The following CAMTA1 variants were observed in gnomAD, a reference collection of about 807,000 sequenced individuals.
CAMTA1 encodes the protein calmodulin-binding transcription activator 1.
A neutral mutation model predicts 170.9 loss-of-function variants in CAMTA1; 27 were observed. The observed-to-expected ratio is 0.16, with a 90% CI of 0.12 to 0.22. The LOEUF (loss-of-function observed/expected upper bound fraction) is 0.22. Ranked by LOEUF, CAMTA1 falls within the 10% of genes least tolerant of loss-of-function variation. The pLI, the probability that CAMTA1 is intolerant of heterozygous loss-of-function variation, is 1.00. For missense variants in CAMTA1, 1,619 were observed against 2,217.2 expected, an observed-to-expected ratio of 0.73 and a Z score of 5.42; for synonymous variants, 833 against 891.5, an observed-to-expected ratio of 0.93 and a Z score of 1.17.
chr1:7,290,042 T>C (rs1672898201), intron 5 of CAMTA1, among the ~76,000 whole-genome samples: 1 of 152,230 alleles, frequency 6.6e-6, no homozygotes, highest in Non-Finnish European at 1.5e-5. Flanking sequence ...GCTCTTGCTT[T>C]AACCCACCCA....
At chr1:7,283,062 A>T (rs1009841473) in intron 5 of CAMTA1, among the ~76,000 whole-genome samples, 1 of 152,146 alleles carries the variant, frequency 6.6e-6, no homozygotes, top group Non-Finnish European at 1.5e-5. Context: ...AAATCATGGT[A>T]CTCTGCAAAC....
intron 3 of CAMTA1, among the ~76,000 whole-genome samples, chr1:6,879,729 A>G (rs1472454739): frequency 6.6e-6 from 1 of 151,618 alleles, no homozygotes; most frequent in East Asian, 1.9e-4. Flanking sequence ...CCTAGGCCCA[A>G]GCAGGCCTCC....
At chr1:6,787,032 C>T (rs181274335) in intron 1 of CAMTA1, among the ~76,000 whole-genome samples, 5 of 152,364 alleles carry the variant, frequency 3.3e-5, no homozygotes, top group African/African-American at 9.6e-5. Flanking sequence ...GAGAACCAGA[C>T]TTTGTCCGTC....
intron 3 of CAMTA1, among the ~76,000 whole-genome samples, chr1:6,964,809 G>C (rs1379320454): frequency 6.6e-6 from 1 of 152,248 alleles, no homozygotes; most frequent in Non-Finnish European, 1.5e-5. Context: ...GATGCCGCCA[G>C]GGATTCTCTG....
chr1:7,706,079 AG>A (rs2096521994), intron 11 of CAMTA1, among the ~76,000 whole-genome samples: 1 of 152,228 alleles, frequency 6.6e-6, no homozygotes, highest in African/African-American at 2.4e-5. Context: ...GTATCAGAAT[AG>A]ATTTCTGAAA....
chr1:7,573,584 GC>G (rs1281744432), intron 6 of CAMTA1, among the ~76,000 whole-genome samples: 1 of 152,210 alleles, frequency 6.6e-6, no homozygotes, highest in African/African-American at 2.4e-5. Context: ...GAGAGCCTAT[GC>G]CCGGCCTCCC....
chr1:7,678,968 C>T (rs552344647), intron 11 of CAMTA1, among the ~76,000 whole-genome samples: 2 of 152,342 alleles, frequency 1.3e-5, no homozygotes, highest in Admixed American at 1.3e-4. Context: ...CTGCCCCAGC[C>T]GAGAGAGAGG....
chr1:7,619,118 A>C (rs2095579638), intron 6 of CAMTA1, among the ~76,000 whole-genome samples: 1 of 152,222 alleles, frequency 6.6e-6, no homozygotes, highest in South Asian at 2.1e-4. Context: ...TGAAGAGGAA[A>C]GTATGAGACC....
intron 3 of CAMTA1, among the ~76,000 whole-genome samples, chr1:7,008,173 GACTC>G (rs1021299389): frequency 3.3e-5 from 5 of 152,168 alleles, no homozygotes; most frequent in African/African-American, 1.2e-4. Context: ...GCCTCAGGTG[GACTC>G]AGAGGAGGTT....
intron 5 of CAMTA1, among the ~76,000 whole-genome samples, chr1:7,436,420 G>T (rs1211543): frequency 6.6e-6 from 1 of 152,202 alleles, no homozygotes; most frequent in Non-Finnish European, 1.5e-5. Context: ...GCTTGGAGGG[G>T]TGCTTCTGTC....
chr1:6,850,702 A>G (rs1036606507), intron 3 of CAMTA1, among the ~76,000 whole-genome samples: 1 of 152,258 alleles, frequency 6.6e-6, no homozygotes, highest in Non-Finnish European at 1.5e-5. Flanking sequence ...CAGCATTTGC[A>G]GTCATTTCTT....
At chr1:7,051,951 C>T (rs1394917314) in intron 3 of CAMTA1, among the ~76,000 whole-genome samples, 3 of 152,098 alleles carry the variant, frequency 2.0e-5, no homozygotes, top group Admixed American at 6.5e-5. Flanking sequence ...GCCCCCTCTC[C>T]GCAGCCTCCC....
chr1:7,500,025 TAG>T (rs1157913867), intron 6 of CAMTA1, among the ~76,000 whole-genome samples: 14 of 140,378 alleles, frequency 1.0e-4, no homozygotes, highest in Admixed American at 5.6e-4. Flanking sequence ...ATTTACTGTG[TAG>T]AGAGGATTGT....
At chr1:7,611,149 GC>G (rs2095521129) in intron 6 of CAMTA1, among the ~76,000 whole-genome samples, 1 of 152,164 alleles carries the variant, frequency 6.6e-6, no homozygotes, top group Non-Finnish European at 1.5e-5. Flanking sequence ...AGAGAGCTGG[GC>G]CATGGTGCGG....
rs1286726029 is a variant in CAMTA1 at position 6,906,372 on chromosome 1, A to G, written c.234+81162A>G. On this transcript the variant is annotated intron_variant, in intron 3 of 22. Coordinates refer to ENST00000303635, the MANE Select transcript of CAMTA1 (RefSeq NM_015215.4). ...ATGCTAGCTACTTAGAGATGGCAGA[A>G]AAGGCTCTGCTTTTCCTTCCTCACT... Among the ~76,000 whole-genome samples, 3 of 152,314 alleles carry G rather than the reference A, an allele frequency of 2.0e-5. No homozygotes were observed. In the East Asian group the frequency reaches 5.8e-4, roughly 29 times the overall value.
chr1:7,528,670 A>G (rs965763649), intron 6 of CAMTA1, among the ~76,000 whole-genome samples: 2 of 152,108 alleles, frequency 1.3e-5, no homozygotes, highest in Non-Finnish European at 2.9e-5. Flanking sequence ...AGATGGGAAT[A>G]CCGAGGCCAG....
intron 3 of CAMTA1, among the ~76,000 whole-genome samples, chr1:6,911,982 C>G (rs1679788253): frequency 6.6e-6 from 1 of 152,198 alleles, no homozygotes; most frequent in Non-Finnish European, 1.5e-5. Context: ...TCTTTCCCTT[C>G]TTTCTCTTAT....
intron 3 of CAMTA1, among the ~76,000 whole-genome samples, chr1:6,908,651 G>T (rs1237135571): frequency 6.6e-6 from 1 of 152,174 alleles, no homozygotes; most frequent in Non-Finnish European, 1.5e-5. Context: ...TAGGGAAATG[G>T]ACATGAAAAT....
At position 7,616,721 on chromosome 1, in the gene CAMTA1, G is replaced by A. The variant is rs141425177; in HGVS notation, c.511-23679G>A. ...GGAACACTAGCAGGCAGAGGGAGAA[G>A]CGTGACAGGGAGGAGAGACGGGGCC... On this transcript the variant is annotated intron_variant, in intron 6 of 22. Transcript: ENST00000303635. Among the ~76,000 whole-genome samples the A allele has an allele frequency of 4.4e-3, 675 of 152,266 alleles. 4 individuals carry two copies. The highest frequency in any genetic ancestry group is 0.015 in the African/African-American group (623 of 41,496).
Sources: allele counts gnomAD v4.1 joint callset (sites outside exome capture counted in the v4.1 genomes callset), GRCh38; gene constraint gnomAD v4.1.1; transcripts MANE v1.5; gene names NCBI Gene and HGNC (gene_info 2026-07-23, HGNC 2026-07-21).